Variants in ABCA13 observed in about 807,000 individuals in gnomAD.
The protein encoded by ABCA13 is ATP-binding cassette sub-family A member 13.
ABCA13 carries 476 observed loss-of-function variants against 478.7 expected under a neutral mutation model. The observed-to-expected ratio is 0.99, with a 90% CI of 0.92 to 1.07. ABCA13 has a LOEUF of 1.07. Among genes scored for constraint, ABCA13 ranks in the 50% least tolerant of loss-of-function variants. The probability of loss-of-function intolerance (pLI) is 0.00; values close to 1 mark genes in which losing one functional copy is unlikely to be tolerated. For missense variants in ABCA13, 6,060 were observed against 5,910.6 expected (o/e 1.03, Z -0.83); for synonymous variants, 2,252 against 2,158.9 (o/e 1.04, Z -1.20).
At chr7:48,398,582 G>A (rs540888773) in intron 38 of ABCA13, among the ~76,000 whole-genome samples, 22 of 152,140 alleles carry the variant, frequency 1.4e-4, no homozygotes, top group Non-Finnish European at 2.6e-4. Flanking sequence ...GAGTAAACAT[G>A]TGTCAAGATT....
intron 7 of ABCA13, among the ~76,000 whole-genome samples, chr7:48,233,106 T>C (rs1483982941): frequency 1.3e-5 from 2 of 152,060 alleles, no homozygotes; most frequent in Non-Finnish European, 2.9e-5. Flanking sequence ...TCTGGGATTT[T>C]CCCCATCTTT....
At chr7:48,514,926 TGAGTA>T (rs141951264) in intron 51 of ABCA13, among the ~76,000 whole-genome samples, 2,535 of 152,298 alleles carry the variant, frequency 0.017, 62 homozygotes, top group African/African-American at 0.057. Context: ...AGATTGCTAT[TGAGTA>T]GAGTGTCTAA....
At position 48,219,393 on chromosome 7, in the gene ABCA13, C is replaced by T. The variant is rs766409618; in HGVS notation, c.327C>T (p.Val109=). ...AAACTGCAGCTGACCCCAAGAAAGT[C>T]AACAACCTGGCCTTTTTAAAAGAGA... is the stretch of plus-strand genomic sequence containing the variant. The part of the protein sequence containing the change: ...RFQTAADPKK[V]NNLAFLKEIQ... The change falls in exon 4 of 62, where the codon GTC becomes GTT. Residue 109 remains valine (V), a synonymous_variant. Coordinates refer to ENST00000435803, the MANE Select transcript of ABCA13 (RefSeq NM_152701.5). The T allele has an allele frequency of 8.7e-6, 14 of 1,612,600 alleles. No individual in the cohort carries two copies. The Admixed American group carries it at 2.3e-4, about 27-fold the overall frequency.
chr7:48,184,428 C>A (rs1796093998), intron 1 of ABCA13, among the ~76,000 whole-genome samples: 1 of 152,112 alleles, frequency 6.6e-6, no homozygotes, highest in Admixed American at 6.5e-5. Flanking sequence ...TTGTAAATAG[C>A]TTAAGTTTCT....
chr7:48,637,381 C>CA (rs1156643955), intron 59 of ABCA13, among the ~76,000 whole-genome samples: 2,256 of 20,210 alleles, frequency 0.11, 174 homozygotes, highest in Non-Finnish European at 0.12. Context: ...GTTCATAAAG[C>CA]AAAAAAAAAA....
chr7:48,559,907 T>A (rs545411438), intron 55 of ABCA13, among the ~76,000 whole-genome samples: 15 of 152,280 alleles, frequency 9.9e-5, no homozygotes, highest in African/African-American at 3.6e-4. Flanking sequence ...TTAAAAGTCC[T>A]GTTTATTTTT....
intron 55 of ABCA13, among the ~76,000 whole-genome samples, chr7:48,554,288 G>A (rs77274556): frequency 0.068 from 10,261 of 151,946 alleles, 447 homozygotes; most frequent in African/African-American, 0.12. Context: ...TTTTTGCTTA[G>A]GATAGCTTTG....
intron 1 of ABCA13, among the ~76,000 whole-genome samples, chr7:48,172,652 G>T (rs36165164): frequency 6.6e-6 from 1 of 151,594 alleles, no homozygotes; most frequent in East Asian, 1.9e-4. Flanking sequence ...AAAAAAATTA[G>T]CCGGGTGTGG....
chr7:48,381,323 G>T (rs1272466981), intron 35 of ABCA13, among the ~76,000 whole-genome samples: 1 of 151,932 alleles, frequency 6.6e-6, no homozygotes, highest in African/African-American at 2.4e-5. Context: ...GAGGCAGGAG[G>T]CAGGTGAGAA....
intron 58 of ABCA13, among the ~76,000 whole-genome samples, chr7:48,601,521 C>G: frequency 6.6e-6 from 1 of 152,158 alleles, no homozygotes. Flanking sequence ...TGATTTCCAG[C>G]TTCATCCATG....
At chr7:48,333,394 G>T (rs1805710704) in intron 27 of ABCA13, among the ~76,000 whole-genome samples, 1 of 152,114 alleles carries the variant, frequency 6.6e-6, no homozygotes, top group Admixed American at 6.5e-5. Context: ...TAAATGATGG[G>T]TGCTTTAAAA....
chr7:48,408,406 T>C (rs1818552220), intron 39 of ABCA13, among the ~76,000 whole-genome samples: 1 of 152,252 alleles, frequency 6.6e-6, no homozygotes, highest in Non-Finnish European at 1.5e-5. Context: ...CCTTTAATCC[T>C]AGATCAGGGA....
At chr7:48,224,618 A>G (rs1029244626) in intron 5 of ABCA13, among the ~76,000 whole-genome samples, 1 of 152,184 alleles carries the variant, frequency 6.6e-6, no homozygotes, top group Admixed American at 6.5e-5. Context: ...TTATTTTTAA[A>G]TGGGAAATAA....
chr7:48,599,260 T>C (rs1790618836), intron 58 of ABCA13, among the ~76,000 whole-genome samples: 1 of 152,088 alleles, frequency 6.6e-6, no homozygotes, highest in Admixed American at 6.5e-5. Flanking sequence ...GATTTTTTTT[T>C]CTGTTATTCA....
intron 38 of ABCA13, among the ~76,000 whole-genome samples, chr7:48,401,569 G>A (rs952734091): frequency 6.6e-6 from 1 of 152,008 alleles, no homozygotes. Flanking sequence ...CCTGTGCTTC[G>A]TTGCTCTTTG....
chr7:48,645,372 G>C (rs912610018), intron 61 of ABCA13, 45 bp from the exon 62 acceptor site: 1 of 1,441,056 alleles, frequency 6.9e-7, no homozygotes, highest in South Asian at 1.2e-5. Context: ...GAGACCAAAG[G>C]GTTGTATTCT....
chr7:48,419,464 A>G (rs1820449089), intron 41 of ABCA13, among the ~76,000 whole-genome samples: 1 of 152,232 alleles, frequency 6.6e-6, no homozygotes, highest in Non-Finnish European at 1.5e-5. Flanking sequence ...ACAAATGTAT[A>G]GAGTTGTAGA....
At chr7:48,633,583 A>T (rs1279240549) in intron 59 of ABCA13, among the ~76,000 whole-genome samples, 1 of 152,060 alleles carries the variant, frequency 6.6e-6, no homozygotes, top group African/African-American at 2.4e-5. Context: ...GGAATATAAA[A>T]AATAAAAATT....
chr7:48,305,710 T>G (rs1228379237), intron 23 of ABCA13, among the ~76,000 whole-genome samples: 1 of 152,200 alleles, frequency 6.6e-6, no homozygotes, highest in Non-Finnish European at 1.5e-5. Context: ...TAAACAAAGC[T>G]CTTGCTAAAA....
Sources: allele counts gnomAD v4.1 joint callset (sites outside exome capture counted in the v4.1 genomes callset), GRCh38; gene constraint gnomAD v4.1.1; transcripts MANE v1.5; gene names NCBI Gene and HGNC (gene_info 2026-07-23, HGNC 2026-07-21).